Variants in RGS6 observed in about 807,000 individuals in gnomAD.
The protein encoded by RGS6 is regulator of G-protein signaling 6.
A neutral mutation model predicts 78.5 loss-of-function variants in RGS6; 30 were observed. The ratio of observed to expected loss-of-function variants is 0.38; its 90% CI spans 0.29 to 0.52. The LOEUF is 0.52. Among genes scored for constraint, RGS6 ranks in the 20% least tolerant of loss-of-function variants. The pLI is 0.85. For missense variants in RGS6, 495 were observed against 609.7 expected, an observed-to-expected ratio of 0.81 and a Z score of 1.98; for synonymous variants, 206 against 206.0, an observed-to-expected ratio of 1.00 and a Z score of 0.00.
chr14:72,046,936 A>G (rs890942902), intron 2 of RGS6, among the ~76,000 whole-genome samples: 1 of 152,230 alleles, frequency 6.6e-6, no homozygotes, highest in African/African-American at 2.4e-5. Context: ...TTGACTTCAC[A>G]TAATAACACC....
intron 12 of RGS6, among the ~76,000 whole-genome samples, chr14:72,483,956 C>A (rs1387728155): frequency 6.8e-6 from 1 of 147,208 alleles, no homozygotes; most frequent in Non-Finnish European, 1.5e-5. Flanking sequence ...CTACTTCCCA[C>A]CTTCTCCAAG....
intron 2 of RGS6, among the ~76,000 whole-genome samples, chr14:72,210,828 GT>G (rs1037649560): frequency 6.7e-5 from 10 of 149,304 alleles, no homozygotes; most frequent in African/African-American, 1.2e-4. Flanking sequence ...TTTTGTTTTT[GT>G]TTTTTTTTAA....
At chr14:71,924,725 C>G in the RGS6 span, among the ~76,000 whole-genome samples, 2 of 152,158 alleles carry the variant, frequency 1.3e-5, no homozygotes, top group African/African-American at 4.8e-5. Flanking sequence ...ATGACAGAAT[C>G]TCCTTTTTTA....
intron 1 of RGS6, among the ~76,000 whole-genome samples, chr14:71,949,970 T>C (rs1486530868): frequency 6.6e-6 from 1 of 152,190 alleles, no homozygotes; most frequent in Non-Finnish European, 1.5e-5. Flanking sequence ...ACCTTTGTTA[T>C]CAGTCACATT....
At position 72,272,509 on chromosome 14, in the gene RGS6, A is replaced by G. The variant is rs542685107; in HGVS notation, c.85-79586A>G. On this transcript the variant is annotated intron_variant, in intron 2 of 17. Transcript: ENST00000553525. ...TAGCCTTCCATGGCTCTCAATTTCTACAGGGAATGTACTGGAAATGGAGAG... is the reference window on the plus strand; with the variant it reads ...TAGCCTTCCATGGCTCTCAATTTCTGCAGGGAATGTACTGGAAATGGAGAG... 3.3e-5 allele frequency among the ~76,000 whole-genome samples: 5 copies of G among 152,290 alleles called. No homozygotes were observed. The East Asian group carries it at 9.7e-4, about 29-fold the overall frequency.
In RGS6 at chr14:72,174,924, A is replaced by G. The variant is rs562378089; in HGVS notation, c.85-177171A>G. Among the ~76,000 whole-genome samples the G allele has an allele frequency of 5.3e-5, 8 of 152,342 alleles. No homozygotes were observed. In the East Asian group the frequency reaches 1.5e-3, roughly 29 times the overall value. On this transcript the variant is annotated intron_variant, in intron 2 of 17. Transcript: ENST00000553525. ...GCTATGAAATGGAAAGTGAGGCAAGACATTCAGTTGCTGCACAGGAAGGAA... is the reference window on the plus strand; with the variant it reads ...GCTATGAAATGGAAAGTGAGGCAAGGCATTCAGTTGCTGCACAGGAAGGAA...
chr14:72,082,641 ATAGT>A lies in RGS6; in HGVS notation c.84+117773_84+117776del, dbSNP rs574095654. On this transcript the variant is annotated intron_variant, in intron 2 of 17. Coordinates refer to ENST00000553525, the MANE Select transcript of RGS6 (RefSeq NM_001204424.2). The stretch of plus-strand genomic sequence containing the variant: ...ATCATGTTGTACCCCATACATATAT[ATAGT>A]TAGTTATTATATGTCAATTATAAAT... 2.5e-3 allele frequency among the ~76,000 whole-genome samples: 380 copies of A among 152,276 alleles called. 1 individual carries two copies. Among genetic ancestry groups the A allele is most frequent in the African/African-American group, 7.6e-3 (314 of 41,556 alleles).
At chr14:71,895,698 G>A in the RGS6 span, among the ~76,000 whole-genome samples, 1 of 152,132 alleles carries the variant, frequency 6.6e-6, no homozygotes, top group African/African-American at 2.4e-5. Context: ...TGCAGAGTAT[G>A]GGGATACTAA....
intron 2 of RGS6, among the ~76,000 whole-genome samples, chr14:72,264,425 T>G (rs193292510): frequency 2.0e-5 from 3 of 152,344 alleles, no homozygotes; most frequent in African/African-American, 7.2e-5. Context: ...GGGCAAAGAA[T>G]TAGAAAGCCA....
chr14:71,887,578 A>G, the RGS6 span, among the ~76,000 whole-genome samples: 1 of 152,156 alleles, frequency 6.6e-6, no homozygotes, highest in East Asian at 1.9e-4. Context: ...TATGCAGTTG[A>G]GATAAGGACT....
chr14:72,549,246 GTT>G (rs71109739), intron 17 of RGS6, among the ~76,000 whole-genome samples: 1 of 146,416 alleles, frequency 6.8e-6, no homozygotes. Context: ...TCTGTTTTTT[GTT>G]TTTTTTTTTG....
intron 2 of RGS6, among the ~76,000 whole-genome samples, chr14:72,156,115 G>T (rs531596943): frequency 6.6e-6 from 1 of 152,168 alleles, no homozygotes; most frequent in East Asian, 1.9e-4. Flanking sequence ...CTTGCAAACC[G>T]GGGTCTGAAG....
At chr14:71,956,039 G>A (rs1403027872) in intron 1 of RGS6, among the ~76,000 whole-genome samples, 1 of 152,188 alleles carries the variant, frequency 6.6e-6, no homozygotes, top group East Asian at 1.9e-4. Context: ...TTAAATATGA[G>A]CTGGGAAAAG....
intron 3 of RGS6, among the ~76,000 whole-genome samples, chr14:72,445,175 A>C (rs929637412): frequency 1.3e-5 from 2 of 152,108 alleles, no homozygotes; most frequent in African/African-American, 4.8e-5. Context: ...ATTTGTTGAG[A>C]TTTCTCTGTT....
intron 2 of RGS6, among the ~76,000 whole-genome samples, chr14:72,307,286 A>G (rs1473316209): frequency 6.6e-6 from 1 of 151,916 alleles, no homozygotes; most frequent in Non-Finnish European, 1.5e-5. Context: ...AAACCAAAAA[A>G]TTCATGTGAC....
intron 3 of RGS6, among the ~76,000 whole-genome samples, chr14:72,403,303 A>G (rs931466779): frequency 6.6e-6 from 1 of 152,250 alleles, no homozygotes; most frequent in Non-Finnish European, 1.5e-5. Context: ...TCATGGCAAC[A>G]TGGATGAGCC....
At chr14:72,003,855 A>G (rs1032236891) in intron 2 of RGS6, among the ~76,000 whole-genome samples, 1 of 152,142 alleles carries the variant, frequency 6.6e-6, no homozygotes, top group Non-Finnish European at 1.5e-5. Flanking sequence ...GTACCATATC[A>G]TTCAGTCATA....
intron 2 of RGS6, among the ~76,000 whole-genome samples, chr14:72,156,689 CT>C (rs1240631057): frequency 1.3e-5 from 2 of 151,238 alleles, no homozygotes; most frequent in African/African-American, 4.9e-5. Flanking sequence ...AAGATGAGAT[CT>C]GCTATTTCAG....
intron 2 of RGS6, among the ~76,000 whole-genome samples, chr14:72,159,136 T>C (rs2096817774): frequency 6.6e-6 from 1 of 152,232 alleles, no homozygotes; most frequent in Admixed American, 6.5e-5. Flanking sequence ...TCTGCTTTCT[T>C]CTTTGCCCTT....
Sources: allele counts gnomAD v4.1 joint callset (sites outside exome capture counted in the v4.1 genomes callset), GRCh38; gene constraint gnomAD v4.1.1; transcripts MANE v1.5; gene names NCBI Gene and HGNC (gene_info 2026-07-23, HGNC 2026-07-21).